The following KAZN variants were observed in gnomAD, a reference collection of about 807,000 sequenced individuals.
The protein encoded by KAZN is kazrin, periplakin interacting protein.
A neutral mutation model predicts 87.4 loss-of-function variants in KAZN; 40 were observed. That is an observed-to-expected ratio of 0.46 (90% confidence interval 0.36 to 0.60). The LOEUF (loss-of-function observed/expected upper bound fraction) is 0.60, where lower values mean the gene tolerates loss of function less well. Among genes scored for constraint, KAZN ranks in the 20% least tolerant of loss-of-function variants. KAZN has a pLI of 0.00. For missense variants in KAZN, 898 were observed against 1,073.9 expected, an observed-to-expected ratio of 0.84 and a Z score of 2.29; for synonymous variants, 466 against 458.3, an observed-to-expected ratio of 1.02 and a Z score of -0.22.
intron 2 of KAZN, among the ~76,000 whole-genome samples, chr1:15,001,232 C>T (rs564363053): frequency 1.3e-5 from 2 of 151,050 alleles, no homozygotes; most frequent in South Asian, 2.1e-4. Context: ...GAGGCTGACG[C>T]GGGTGGATCA....
chr1:14,092,556 T>TAC (rs1307096282), intron 1 of KAZN, among the ~76,000 whole-genome samples: 2 of 130,296 alleles, frequency 1.5e-5, no homozygotes, highest in East Asian at 2.4e-4. Flanking sequence ...TATGTACATA[T>TAC]ACACACATAT....
chr1:14,413,619 A>T (rs12744361), intron 2 of KAZN, among the ~76,000 whole-genome samples: 1 of 140,430 alleles, frequency 7.1e-6, no homozygotes, highest in Non-Finnish European at 1.6e-5. Flanking sequence ...AAAAAAAAAA[A>T]CGCATTTAAG....
At chr1:14,994,658 C>T (rs564640401) in intron 2 of KAZN, among the ~76,000 whole-genome samples, 2 of 152,236 alleles carry the variant, frequency 1.3e-5, no homozygotes, top group South Asian at 2.1e-4. Context: ...TGGGCTTCCT[C>T]TCAGCGTCTT....
chr1:14,743,289 G>C (rs1644163686), intron 1 of KAZN, among the ~76,000 whole-genome samples: 2 of 151,928 alleles, frequency 1.3e-5, no homozygotes, highest in South Asian at 4.2e-4. Context: ...TATTAGCCGG[G>C]CGTGGTGACA....
chr1:14,592,184 T>G (rs1676240812), intron 2 of KAZN, among the ~76,000 whole-genome samples: 1 of 152,130 alleles, frequency 6.6e-6, no homozygotes, highest in Non-Finnish European at 1.5e-5. Flanking sequence ...TAGGCCAGGA[T>G]TCACATGTGA....
chr1:15,065,765 G>T lies in KAZN; in HGVS notation c.1222+12G>T, dbSNP rs771527235. 1 of 1,613,936 alleles carries T rather than the reference G, an allele frequency of 6.2e-7. No homozygotes were observed. Among genetic ancestry groups the T allele is most frequent in the African/African-American group, 1.3e-5 (1 of 74,950 alleles). On this transcript the variant is annotated intron_variant, in intron 8 of 14. Transcript: ENST00000376030. ...CGGCCTCTTTGATGGTACCGCCCCT[G>T]ATTATTACATAGAGGAGGACGCGGA...
chr1:14,153,816 G>A (rs1032759057), intron 1 of KAZN, among the ~76,000 whole-genome samples: 26 of 149,672 alleles, frequency 1.7e-4, no homozygotes, highest in African/African-American at 5.6e-4. Flanking sequence ...TTTGCTGGAC[G>A]TCTTTGGATT....
chr1:15,097,483 C>T (rs1385586026), intron 10 of KAZN, among the ~76,000 whole-genome samples: 2 of 152,120 alleles, frequency 1.3e-5, no homozygotes, highest in Non-Finnish European at 2.9e-5. Flanking sequence ...TTTATTTACC[C>T]TCACAACATC....
intron 1 of KAZN, among the ~76,000 whole-genome samples, chr1:13,920,241 C>CA (rs1250569855): frequency 1.1e-5 from 1 of 93,318 alleles, no homozygotes; most frequent in Non-Finnish European, 1.8e-5. Flanking sequence ...GAGACCCTGT[C>CA]TCAAAAAAAA....
chr1:14,209,747 C>T (rs995986869), intron 2 of KAZN, among the ~76,000 whole-genome samples: 10 of 152,142 alleles, frequency 6.6e-5, no homozygotes, highest in African/African-American at 2.2e-4. Flanking sequence ...GTTTGTATAG[C>T]AGTTCAATAT....
At chr1:14,744,247 G>A (rs577023995) in intron 1 of KAZN, among the ~76,000 whole-genome samples, 2 of 152,256 alleles carry the variant, frequency 1.3e-5, no homozygotes, top group South Asian at 4.1e-4. Context: ...CACTGGCTGA[G>A]TATCTTACTC....
intron 2 of KAZN, among the ~76,000 whole-genome samples, chr1:14,558,983 C>T (rs1674087673): frequency 6.6e-6 from 1 of 152,178 alleles, no homozygotes. Context: ...GCCTCCTCTG[C>T]CCTTTGATCT....
At chr1:14,227,905 T>C (rs1466112354) in intron 2 of KAZN, among the ~76,000 whole-genome samples, 1 of 152,170 alleles carries the variant, frequency 6.6e-6, no homozygotes. Flanking sequence ...GCAGCATCTT[T>C]GAAAGTTGTG....
chr1:14,936,635 T>C (rs72871860), intron 1 of KAZN, among the ~76,000 whole-genome samples: 4,225 of 152,242 alleles, frequency 0.028, 183 homozygotes, highest in African/African-American at 0.087. Flanking sequence ...CTTTGATCCT[T>C]CCTCATCCCA....
chr1:15,012,596 A>G (rs938250), intron 2 of KAZN, among the ~76,000 whole-genome samples: 143,932 of 152,274 alleles, frequency 0.95, 68,101 homozygotes, highest in East Asian at 1. Context: ...CACACAGAAC[A>G]TAGATCCTCT....
chr1:14,415,138 C>G (rs1242164376), intron 2 of KAZN, among the ~76,000 whole-genome samples: 1 of 152,104 alleles, frequency 6.6e-6, no homozygotes, highest in African/African-American at 2.4e-5. Flanking sequence ...AATTAGACAT[C>G]GTGTTGAAAT....
At chr1:14,372,293 A>G (rs182053849) in intron 2 of KAZN, among the ~76,000 whole-genome samples, 84 of 152,362 alleles carry the variant, frequency 5.5e-4, no homozygotes, top group African/African-American at 1.9e-3. Context: ...AAATGTCTCT[A>G]TAATTGCCAA....
intron 1 of KAZN, among the ~76,000 whole-genome samples, chr1:14,764,386 A>C (rs55640521): frequency 0.55 from 63,843 of 115,068 alleles, 18,426 homozygotes; most frequent in Non-Finnish European, 0.64. Context: ...CCTCCCCCAC[A>C]CCCCCCCCAC....
Position 15,065,735 on chromosome 1 carries a change from G to C in KAZN, c.1204G>C (p.Asp402His). Reference sequence around the variant, plus strand: ...CAGAGGGAAGCAGCGGAAGTCCCTCGACCCCGGCCTCTTTGATGGTACCGC... The same window carrying C: ...CAGAGGGAAGCAGCGGAAGTCCCTCCACCCCGGCCTCTTTGATGGTACCGC... ...FARGKQRKSLDPGLFDDSDSQ... is the reference protein window; with the variant it reads ...FARGKQRKSLHPGLFDDSDSQ... Residue 402 changes from aspartate (D) to histidine (H), a missense_variant, in exon 8 of 15, where the codon GAC (aspartate) becomes CAC (histidine). Around this residue, in one of 3 missense-constraint regions of KAZN, gnomAD observed 521 missense variants for 689.4 expected, o/e 0.76. Transcript: ENST00000376030. The C allele has an allele frequency of 1.9e-6, 3 of 1,614,218 alleles. No individual in the cohort carries two copies. Among genetic ancestry groups the C allele is most frequent in the Non-Finnish European group, 2.5e-6 (3 of 1,180,022 alleles).
Sources: allele counts gnomAD v4.1 joint callset (sites outside exome capture counted in the v4.1 genomes callset), GRCh38; gene constraint gnomAD v4.1.1; regional missense constraint gnomAD v4.1.1; transcripts MANE v1.5; gene names NCBI Gene and HGNC (gene_info 2026-07-23, HGNC 2026-07-21).